The following CCDC192 variants were observed in gnomAD, a reference collection of about 807,000 sequenced individuals.
CCDC192 encodes the protein coiled-coil domain containing 192.
chr5:127,792,972 T>C (rs974683455), intron 3 of CCDC192, among the ~76,000 whole-genome samples: 27 of 152,214 alleles, frequency 1.8e-4, no homozygotes, highest in Admixed American at 1.5e-3. Flanking sequence ...TGAAAATAGA[T>C]GTCTTAGTCA....
At chr5:127,893,730 C>T (rs1752793377) in intron 6 of CCDC192, among the ~76,000 whole-genome samples, 4 of 152,282 alleles carry the variant, frequency 2.6e-5, no homozygotes, top group Admixed American at 2.6e-4. Context: ...CAAAACCTTT[C>T]TGAATTGAAT....
At chr5:127,775,984 T>C (rs1230036051) in intron 3 of CCDC192, among the ~76,000 whole-genome samples, 1 of 152,206 alleles carries the variant, frequency 6.6e-6, no homozygotes, top group African/African-American at 2.4e-5. Flanking sequence ...AATTACCCAG[T>C]CTGGGGTATG....
chr5:127,877,320 C>G (rs1281154295), intron 6 of CCDC192, among the ~76,000 whole-genome samples: 1 of 148,934 alleles, frequency 6.7e-6, no homozygotes, highest in Non-Finnish European at 1.5e-5. Flanking sequence ...TAAATCTTAC[C>G]CTTTTTTTGC....
chr5:127,865,366 T>C (rs1174719603), intron 5 of CCDC192, among the ~76,000 whole-genome samples: 1 of 152,146 alleles, frequency 6.6e-6, no homozygotes, highest in Middle Eastern at 3.4e-3. Context: ...TTTCCCCAGG[T>C]GCTCAACTAC....
chr5:127,826,277 G>A (rs2110359), intron 5 of CCDC192, among the ~76,000 whole-genome samples: 66,728 of 151,814 alleles, frequency 0.44, 14,762 homozygotes, highest in African/African-American at 0.51. Context: ...AAAAGTCAAA[G>A]AAACAACAGA....
At chr5:127,785,816 G>T in intron 3 of CCDC192, 2 of 324,640 alleles carry the variant, frequency 6.2e-6, no homozygotes, top group South Asian at 3.6e-5. Flanking sequence ...GGATAAATAG[G>T]CCATCTTGGT....
intron 6 of CCDC192, among the ~76,000 whole-genome samples, chr5:127,881,465 GGTCATTCAGGTCT>G (rs1357478799): frequency 1.3e-5 from 2 of 152,152 alleles, no homozygotes; most frequent in Non-Finnish European, 2.9e-5. Context: ...GCAGTCTATA[GGTCATTCAGGTCT>G]GTCATTCAGG....
chr5:127,851,673 G>C (rs182640668), intron 5 of CCDC192, among the ~76,000 whole-genome samples: 7 of 152,292 alleles, frequency 4.6e-5, no homozygotes, highest in African/African-American at 1.2e-4. Flanking sequence ...GGTCAGGCTG[G>C]TCTCGAACTC....
intron 5 of CCDC192, among the ~76,000 whole-genome samples, chr5:127,850,645 T>C (rs1406899576): frequency 1.3e-5 from 2 of 152,090 alleles, no homozygotes; most frequent in East Asian, 1.9e-4. Context: ...GGAGAATTCC[T>C]TGGGGCACTA....
At chr5:127,862,302 C>G (rs1561528537) in intron 5 of CCDC192, among the ~76,000 whole-genome samples, 1 of 152,200 alleles carries the variant, frequency 6.6e-6, no homozygotes, top group African/African-American at 2.4e-5. Context: ...ACCTCCCCAT[C>G]TGCAACATTC....
intron 5 of CCDC192, among the ~76,000 whole-genome samples, chr5:127,862,126 G>A (rs1751396645): frequency 6.6e-6 from 1 of 152,152 alleles, no homozygotes; most frequent in Admixed American, 6.5e-5. Flanking sequence ...TCTACGCTAA[G>A]AAAGGAAGCT....
chr5:127,882,376 C>G (rs1752392414), intron 6 of CCDC192, among the ~76,000 whole-genome samples: 1 of 152,092 alleles, frequency 6.6e-6, no homozygotes. Context: ...TCATGATGCC[C>G]ACCCCTAGGC....
intron 2 of CCDC192, among the ~76,000 whole-genome samples, chr5:127,750,006 TTTTC>T (rs1475381187): frequency 6.0e-4 from 91 of 152,108 alleles, no homozygotes; most frequent in East Asian, 1.7e-3. Context: ...TTCTCTCTTT[TTTTC>T]TTTATTAGTC....
chr5:127,902,446 C>A (rs1464976279), intron 6 of CCDC192, among the ~76,000 whole-genome samples: 5 of 150,866 alleles, frequency 3.3e-5, no homozygotes, highest in Non-Finnish European at 5.9e-5. Flanking sequence ...AAACAAAAAA[C>A]CAAAAAAACT....
chr5:127,940,193 G>C, intron 6 of CCDC192, among the ~76,000 whole-genome samples: 1 of 152,154 alleles, frequency 6.6e-6, no homozygotes, highest in East Asian at 1.9e-4. Flanking sequence ...CCTCATCTGA[G>C]TGGTTAACTG....
intron 6 of CCDC192, among the ~76,000 whole-genome samples, chr5:127,930,395 C>T (rs1203517935): frequency 6.6e-6 from 1 of 152,196 alleles, no homozygotes; most frequent in African/African-American, 2.4e-5. Context: ...ATCTCATGGA[C>T]TCTCCCTCCT....
At chr5:127,780,444 G>T (rs1354545957) in intron 3 of CCDC192, among the ~76,000 whole-genome samples, 2 of 152,162 alleles carry the variant, frequency 1.3e-5, no homozygotes, top group African/African-American at 4.8e-5. Context: ...CACCAGCAGT[G>T]TAGAAGTGTT....
Position 127,708,050 on chromosome 5 carries a change from G to A in CCDC192, c.114+290G>A, listed in dbSNP as rs140660182. Reference sequence around the variant, plus strand: ...AATAAATGCCACACTGCTCTCTGTGGCCCTACAATACTATAGACATCCCTG... The same window carrying A: ...AATAAATGCCACACTGCTCTCTGTGACCCTACAATACTATAGACATCCCTG... On this transcript the variant is annotated intron_variant, in intron 2 of 6. Coordinates refer to ENST00000514853, the MANE Select transcript of CCDC192 (RefSeq NM_001317938.2). Among the ~76,000 whole-genome samples the A allele has an allele frequency of 1.1e-4, 17 of 152,186 alleles. No homozygotes were observed. In the East Asian group the frequency reaches 3.3e-3, roughly 29 times the overall value.
chr5:127,785,013 T>C, intron 3 of CCDC192: 1 of 475,150 alleles, frequency 2.1e-6, no homozygotes, highest in East Asian at 5.6e-5. Context: ...TCAACTTTAA[T>C]AAAATCTGTA....
Sources: gnomAD v4.1 joint callset for allele counts (sites outside exome capture counted in the v4.1 genomes callset) on GRCh38, gnomAD v4.1.1 for gene constraint, MANE v1.5 for transcripts, NCBI Gene and HGNC (gene_info 2026-07-23, HGNC 2026-07-21) for gene names.